ANO5: variants seen among roughly 807,000 people sequenced by gnomAD.
ANO5 encodes the protein anoctamin-5.
A neutral mutation model predicts 121.0 loss-of-function variants in ANO5; 109 were observed. The ratio of observed to expected loss-of-function variants is 0.90; its 90% confidence interval spans 0.77 to 1.06. ANO5 has a LOEUF of 1.06. ANO5 is among the 50% of genes least tolerant of loss of function. The pLI is 0.00. For missense variants in ANO5, 1,064 were observed against 1,078.5 expected, an observed-to-expected ratio of 0.99 and a Z score of 0.19; for synonymous variants, 406 against 359.9, an observed-to-expected ratio of 1.13 and a Z score of -1.45.
At position 22,279,517 on chromosome 11, in the gene ANO5, C is replaced by G. The variant is rs766798799; in HGVS notation, c.2521-27C>G. The G allele has an allele frequency of 3.2e-6, 5 of 1,577,232 alleles. No individual in the cohort carries two copies. The Admixed American group carries it at 8.4e-5, about 26-fold the overall frequency. On this transcript the variant is annotated intron_variant, in intron 21 of 21. Transcript: ENST00000324559. Reference sequence around the variant, plus strand: ...GAGCATGTGACACCTCTAACAGCGTCTAATCTTTCCTTTATATTTCCTCTA... The same window carrying G: ...GAGCATGTGACACCTCTAACAGCGTGTAATCTTTCCTTTATATTTCCTCTA...
chr11:22,229,496 C>T (rs188810379), intron 7 of ANO5, among the ~76,000 whole-genome samples: 90 of 151,792 alleles, frequency 5.9e-4, no homozygotes, highest in African/African-American at 2.1e-3. Context: ...AATCAGAAGA[C>T]CTTATTTCAA....
Position 22,211,420 on chromosome 11 carries a change from C to G in ANO5, c.138+106C>G, listed in dbSNP as rs112938771. The G allele has an allele frequency of 1.2e-3, 1,602 of 1,283,982 alleles. 22 individuals are homozygous for G. In the African/African-American group the frequency reaches 0.021, roughly 16 times the overall value. The allele number at this position is 1,283,982 out of a possible 1,614,324, so 79.5% of individuals were successfully genotyped here. ...TTCCAGTTCAGTTATTTGACATGCT[C>G]TCATACATGGTATTTGAGAATATAT... On this transcript the variant is annotated intron_variant, in intron 3 of 21. Transcript: ENST00000324559.
chr11:22,231,230 A>G (rs528953844), intron 7 of ANO5, among the ~76,000 whole-genome samples: 5 of 152,142 alleles, frequency 3.3e-5, no homozygotes, highest in East Asian at 3.9e-4. Flanking sequence ...TATAACACTC[A>G]TAAGTATTTT....
chr11:22,228,387 ATATT>A (rs1372393652), intron 7 of ANO5, among the ~76,000 whole-genome samples: 3 of 152,058 alleles, frequency 2.0e-5, no homozygotes, highest in Non-Finnish European at 2.9e-5. Flanking sequence ...ATAATTGTAC[ATATT>A]TATGTGATAA....
chr11:22,210,846 A>G (rs1310986526), intron 2 of ANO5, among the ~76,000 whole-genome samples: 1 of 151,998 alleles, frequency 6.6e-6, no homozygotes, highest in African/African-American at 2.4e-5. Flanking sequence ...AAAATAGCCA[A>G]TTAATTCTGC....
At chr11:22,220,101 C>T (rs1190929197) in intron 4 of ANO5, among the ~76,000 whole-genome samples, 2 of 151,756 alleles carry the variant, frequency 1.3e-5, no homozygotes, top group African/African-American at 4.8e-5. Context: ...AGGCCTGTCT[C>T]ACCTGACTTG....
intron 13 of ANO5, among the ~76,000 whole-genome samples, chr11:22,257,283 A>G (rs1009731252): frequency 6.6e-6 from 1 of 152,172 alleles, no homozygotes; most frequent in African/African-American, 2.4e-5. Flanking sequence ...AAAGCATCTA[A>G]TTTAATATCA....
chr11:22,275,127 T>A (rs950615242), intron 20 of ANO5, among the ~76,000 whole-genome samples: 1 of 152,018 alleles, frequency 6.6e-6, no homozygotes, highest in Non-Finnish European at 1.5e-5. Context: ...TTTAACTTAC[T>A]TGAATTTATC....
intron 17 of ANO5, among the ~76,000 whole-genome samples, chr11:22,265,165 G>T (rs1389402125): frequency 6.6e-6 from 1 of 151,992 alleles, no homozygotes; most frequent in East Asian, 1.9e-4. Context: ...GATTCATTAT[G>T]GTGAAACTAC....
At chr11:22,268,747 G>A (rs1854460964) in intron 17 of ANO5, among the ~76,000 whole-genome samples, 1 of 152,158 alleles carries the variant, frequency 6.6e-6, no homozygotes, top group Admixed American at 6.5e-5. Flanking sequence ...CTGGTGCATT[G>A]GCTCATGCCT....
intron 14 of ANO5, among the ~76,000 whole-genome samples, chr11:22,258,597 T>C (rs954129512): frequency 6.6e-6 from 1 of 152,214 alleles, no homozygotes; most frequent in Admixed American, 6.5e-5. Flanking sequence ...AGAATGTATA[T>C]AAATTTCTAA....
At chr11:22,265,264 A>C (rs1207505837) in intron 17 of ANO5, among the ~76,000 whole-genome samples, 1 of 152,176 alleles carries the variant, frequency 6.6e-6, no homozygotes, top group African/African-American at 2.4e-5. Flanking sequence ...CACTATCATC[A>C]GTTTCTCATC....
At chr11:22,264,485 A>C (rs1250664040) in intron 17 of ANO5, among the ~76,000 whole-genome samples, 1 of 151,966 alleles carries the variant, frequency 6.6e-6, no homozygotes, top group South Asian at 2.1e-4. Flanking sequence ...TAAAAAAAAA[A>C]CAAGCAAATT....
intron 4 of ANO5, 38 bp from the exon 5 acceptor site, chr11:22,221,059 A>G: frequency 7.0e-7 from 1 of 1,437,082 alleles, no homozygotes; most frequent in Non-Finnish European, 9.8e-7. Flanking sequence ...TCAGAATAAA[A>G]CTATAATTTA....
intron 9 of ANO5, among the ~76,000 whole-genome samples, chr11:22,245,859 T>C (rs1256037531): frequency 6.6e-6 from 1 of 152,186 alleles, no homozygotes; most frequent in African/African-American, 2.4e-5. Context: ...GGTAGCATTT[T>C]CTACTTGTGG....
chr11:22,215,084 G>T (rs1380994370), intron 3 of ANO5, among the ~76,000 whole-genome samples: 1 of 151,910 alleles, frequency 6.6e-6, no homozygotes, highest in Non-Finnish European at 1.5e-5. Flanking sequence ...TACTGTAGGG[G>T]ATTGGACAGA....
At chr11:22,208,112 CTG>C (rs1479478156) in intron 2 of ANO5, among the ~76,000 whole-genome samples, 3 of 152,058 alleles carry the variant, frequency 2.0e-5, no homozygotes, top group Non-Finnish European at 4.4e-5. Context: ...CTCTGGAAAA[CTG>C]TTGGGCAGTT....
chr11:22,213,891 T>TTTTGTTTTGTTTTG (rs1852360204), intron 3 of ANO5, among the ~76,000 whole-genome samples: 2 of 148,380 alleles, frequency 1.3e-5, no homozygotes, highest in East Asian at 4.0e-4. Context: ...GGTGTTTTGT[T>TTTTGTTTTGTTTTG]TTTTGTTTTG....
chr11:22,230,256 T>C (rs1480278544), intron 7 of ANO5, among the ~76,000 whole-genome samples: 1 of 151,956 alleles, frequency 6.6e-6, no homozygotes, highest in African/African-American at 2.4e-5. Flanking sequence ...AATTTCTATG[T>C]GTATAGAAAG....
Sources: allele counts gnomAD v4.1 joint callset (sites outside exome capture counted in the v4.1 genomes callset), GRCh38; gene constraint gnomAD v4.1.1; transcripts MANE v1.5; gene names NCBI Gene and HGNC (gene_info 2026-07-23, HGNC 2026-07-21).